The following CDYL2 variants were observed in gnomAD, a reference collection of about 807,000 sequenced individuals.
CDYL2 encodes chromodomain Y-like protein 2.
A neutral mutation model predicts 49.4 loss-of-function variants in CDYL2; 23 were observed. That is an observed-to-expected ratio of 0.47 (90% CI 0.34 to 0.66). CDYL2 has a LOEUF of 0.66. Among genes scored for constraint, CDYL2 ranks in the 30% least tolerant of loss-of-function variants. The probability of loss-of-function intolerance (pLI) is 0.01; values close to 1 mark genes in which losing one functional copy is unlikely to be tolerated. For synonymous variants in CDYL2, 360 were observed against 268.8 expected (o/e 1.34, Z -3.32); for missense variants, 678 against 656.4 (o/e 1.03, Z -0.36).
At chr16:80,719,113 C>T (rs372306264) in intron 1 of CDYL2, among the ~76,000 whole-genome samples, 7 of 152,304 alleles carry the variant, frequency 4.6e-5, no homozygotes, top group African/African-American at 1.7e-4. Flanking sequence ...AAGTACTGAA[C>T]ACCTGTTACG....
chr16:80,744,052 T>A (rs62048560), intron 1 of CDYL2, among the ~76,000 whole-genome samples: 1 of 125,650 alleles, frequency 8.0e-6, no homozygotes. Context: ...CCATTTAATA[T>A]GTTCAAAACC....
At chr16:80,797,113 T>A (rs764969959) in intron 1 of CDYL2, among the ~76,000 whole-genome samples, 1 of 152,228 alleles carries the variant, frequency 6.6e-6, no homozygotes, top group Non-Finnish European at 1.5e-5. Flanking sequence ...GTTTACACAC[T>A]GTTTTTTGGC....
intron 1 of CDYL2, among the ~76,000 whole-genome samples, chr16:80,775,669 T>C (rs2142399581): frequency 6.6e-6 from 1 of 151,966 alleles, no homozygotes; most frequent in East Asian, 1.9e-4. Context: ...ATGTCATAAA[T>C]AATTTGAAAC....
intron 1 of CDYL2, among the ~76,000 whole-genome samples, chr16:80,724,941 C>T (rs1040493636): frequency 7.2e-5 from 11 of 152,192 alleles, no homozygotes; most frequent in African/African-American, 2.7e-4. Flanking sequence ...TGTCCTCAAA[C>T]CCTTTGGTGG....
intron 1 of CDYL2, among the ~76,000 whole-genome samples, chr16:80,723,666 A>G (rs937753170): frequency 2.6e-5 from 4 of 152,208 alleles, no homozygotes. Flanking sequence ...TGCTACAGTA[A>G]ATAAAGTTTT....
intron 1 of CDYL2, among the ~76,000 whole-genome samples, chr16:80,727,190 T>C (rs2142533834): frequency 1.3e-5 from 2 of 152,242 alleles, no homozygotes; most frequent in Middle Eastern, 6.8e-3. Context: ...AGGTACCGGG[T>C]TCATCTCACT....
At chr16:80,617,594 C>T (rs1425534943) in intron 4 of CDYL2, among the ~76,000 whole-genome samples, 1 of 152,124 alleles carries the variant, frequency 6.6e-6, no homozygotes, top group Non-Finnish European at 1.5e-5. Flanking sequence ...GCAGCACTCC[C>T]GAGTTGGGAG....
intron 1 of CDYL2, among the ~76,000 whole-genome samples, chr16:80,714,684 T>C (rs2142516578): frequency 6.6e-6 from 1 of 152,228 alleles, no homozygotes; most frequent in South Asian, 2.1e-4. Context: ...AATCCCAGCA[T>C]ACCTTACATC....
chr16:80,606,760 G>A (rs900190847), intron 6 of CDYL2, among the ~76,000 whole-genome samples: 8 of 152,180 alleles, frequency 5.3e-5, no homozygotes, highest in African/African-American at 1.9e-4. Context: ...AATGACGGGG[G>A]CAGTTTCCCC....
At chr16:80,715,983 T>C (rs1904785505) in intron 1 of CDYL2, among the ~76,000 whole-genome samples, 1 of 152,268 alleles carries the variant, frequency 6.6e-6, no homozygotes, top group Admixed American at 6.5e-5. Context: ...GACCTGTGGT[T>C]ACGCCCTTGG....
In CDYL2 at chr16:80,684,622, C is replaced by T. The variant is rs761574264; in HGVS notation, c.532G>A (p.Gly178Ser). The T allele has an allele frequency of 3.7e-6, 6 of 1,614,208 alleles. No individual in the cohort carries two copies. In the Admixed American group the frequency reaches 5.0e-5, roughly 13 times the overall value. The change falls in exon 2 of 7, where the codon GGC (glycine) becomes AGC (serine). Residue 178 changes from glycine to serine, a missense_variant. Gly to Ser is a moderately conservative substitution (Grantham distance 56). Transcript: ENST00000570137. ...CCAACATGATCATTCAAATCCAAGC[C>T]AGGCTGATGGGACCCATTTCCAAAG... Reference protein sequence around the residue: ...RHFGNGSHQPGLDLNDHVGEQ... With the variant: ...RHFGNGSHQPSLDLNDHVGEQ...
intron 2 of CDYL2, among the ~76,000 whole-genome samples, chr16:80,642,272 A>G (rs951404874): frequency 1.3e-5 from 2 of 152,138 alleles, no homozygotes; most frequent in South Asian, 4.2e-4. Flanking sequence ...ATGAAACCCC[A>G]TCTCTACTAA....
In CDYL2 at chr16:80,669,181, T is replaced by C. The variant is rs907050479; in HGVS notation, c.616+15357A>G. On this transcript the variant is annotated intron_variant, in intron 2 of 6. Coordinates refer to ENST00000570137, the MANE Select transcript of CDYL2 (RefSeq NM_152342.4). Reference sequence around the variant, plus strand: ...AGCAAAAGTAAAGGAGAAGAGTCAATAGTGGGTGCCACATTTCTGCACACT... The same window carrying C: ...AGCAAAAGTAAAGGAGAAGAGTCAACAGTGGGTGCCACATTTCTGCACACT... 7.9e-5 allele frequency among the ~76,000 whole-genome samples: 12 copies of C among 151,960 alleles called. No homozygotes were observed. The South Asian group carries it at 1.3e-3, about 16-fold the overall frequency.
chr16:80,626,484 G>A (rs1320170599), intron 3 of CDYL2, among the ~76,000 whole-genome samples: 1 of 152,144 alleles, frequency 6.6e-6, no homozygotes, highest in Non-Finnish European at 1.5e-5. Context: ...CGGAAGTGGT[G>A]GAGGTAGTTA....
At chr16:80,704,760 G>C (rs781701453) in intron 1 of CDYL2, among the ~76,000 whole-genome samples, 1 of 152,240 alleles carries the variant, frequency 6.6e-6, no homozygotes, top group African/African-American at 2.4e-5. Flanking sequence ...AATGTGGCCA[G>C]TGGTCAGCGT....
At chr16:80,798,618 T>C (rs79842171) in intron 1 of CDYL2, among the ~76,000 whole-genome samples, 2,130 of 152,316 alleles carry the variant, frequency 0.014, 28 homozygotes, top group Non-Finnish European at 0.025. Context: ...GTTCATCAAC[T>C]GTTTATGTTA....
intron 1 of CDYL2, among the ~76,000 whole-genome samples, chr16:80,713,610 G>T (rs985530187): frequency 6.6e-6 from 1 of 152,124 alleles, no homozygotes; most frequent in South Asian, 2.1e-4. Flanking sequence ...ATTTTGCACA[G>T]ATGAACACAT....
chr16:80,777,907 T>C (rs754771407), intron 1 of CDYL2, among the ~76,000 whole-genome samples: 4 of 151,942 alleles, frequency 2.6e-5, no homozygotes, highest in Non-Finnish European at 4.4e-5. Flanking sequence ...AGATACTCAA[T>C]ACTAAAATTC....
intron 1 of CDYL2, among the ~76,000 whole-genome samples, chr16:80,801,563 C>A (rs1907927986): frequency 6.6e-6 from 1 of 152,216 alleles, no homozygotes. Context: ...AACGTAAGAA[C>A]TCTTGGCCCA....
Sources: gnomAD v4.1 joint callset for allele counts (sites outside exome capture counted in the v4.1 genomes callset) on GRCh38, gnomAD v4.1.1 for gene constraint, MANE v1.5 for transcripts, NCBI Gene and HGNC (gene_info 2026-07-23, HGNC 2026-07-21) for gene names.